Variants in ACSM2B observed in about 807,000 individuals in gnomAD.
ACSM2B encodes acyl-coenzyme A synthetase ACSM2B, mitochondrial.
A neutral mutation model predicts 78.6 loss-of-function variants in ACSM2B; 58 were observed. The ratio of observed to expected loss-of-function variants is 0.74; its 90% CI spans 0.60 to 0.92. The LOEUF is 0.92. Ranked by LOEUF, ACSM2B falls within the 40% of genes least tolerant of loss-of-function variation. ACSM2B has a pLI of 0.00. For synonymous variants in ACSM2B, 257 were observed against 256.8 expected (o/e 1.00, Z -0.01); for missense variants, 688 against 711.2 (o/e 0.97, Z 0.37).
rs765903778 is a variant in ACSM2B at position 20,545,184 on chromosome 16, C to T, written c.1254G>A (p.Arg418=). 2.5e-6 allele frequency: 4 copies of T among 1,613,778 alleles called. No homozygotes were observed. The highest frequency in any genetic ancestry group is 2.2e-5 in the South Asian group (2 of 91,010). Residue 418 remains arginine, a synonymous_variant, in exon 10 of 14, where the codon AGG becomes AGA. Coordinates refer to ENST00000329697, the MANE Select transcript of ACSM2B (RefSeq NM_001105069.2). The part of the protein sequence containing the change: ...GDIGIRVKPI[R]PIGIFSGYVE... Reference sequence around the variant, plus strand: ...CATAGCCAGAGAAGATGCCTATAGGCCTGATGGGTTTGACCCTGATGCCAA... The same window carrying T: ...CATAGCCAGAGAAGATGCCTATAGGTCTGATGGGTTTGACCCTGATGCCAA...
Position 20,564,721 on chromosome 16 carries a change from G to T in ACSM2B, c.125C>A (p.Ala42Asp). 6.2e-7 allele frequency: 1 copy of T among 1,613,458 alleles called. No homozygotes were observed. Among genetic ancestry groups the T allele is most frequent in the South Asian group, 1.1e-5 (1 of 91,028 alleles). ...SLQWGHQEVP[A>D]KFNFASDVLD... ...CACATCACTAGCAAAGTTAAACTTG[G>T]CCGGCACTTCCTGGTGGCCCCACTG... The change falls in exon 2 of 14, where the codon GCC becomes GAC. Residue 42 changes from alanine to aspartate, a missense_variant. By Grantham distance (126) the Ala-to-Asp change is moderately radical. Coordinates refer to ENST00000329697, the MANE Select transcript of ACSM2B (RefSeq NM_001105069.2).
At chr16:20,566,589 T>C (rs1402144968) in intron 1 of ACSM2B, among the ~76,000 whole-genome samples, 3 of 94,282 alleles carry the variant, frequency 3.2e-5, no homozygotes, top group Non-Finnish European at 5.7e-5. Flanking sequence ...TATCTATAAA[T>C]ATATAATATG....
chr16:20,540,915 A>T lies in ACSM2B; in HGVS notation c.1510-142T>A, dbSNP rs1238572532. The stretch of plus-strand genomic sequence containing the variant: ...CGGTGATCCAGGTCAAGGGAAAGGG[A>T]GAAACTGGGGACAAGAATGAGGTTC... On this transcript the variant is annotated intron_variant, in intron 12 of 13. Transcript: ENST00000329697. 2.3e-6 allele frequency: 3 copies of T among 1,298,704 alleles called. No homozygotes were observed. In the Admixed American group the frequency reaches 6.9e-5, roughly 30 times the overall value. 80.4% of individuals were successfully genotyped at this position (1,298,704 alleles called of 1,614,324 possible). A position where few individuals can be genotyped will look rare whatever the true frequency, so the allele number is the denominator to read the frequency against.
rs9927854 is a variant in ACSM2B, at chr16:20,559,453, G to T, written c.178-6C>A. The T allele has an allele frequency of 8.3e-3, 13,315 of 1,612,500 alleles. 1,001 individuals are homozygous for T. In the African/African-American group the frequency reaches 0.15, roughly 19 times the overall value. ...CTTGGGAGTCGCTTGCCAGCCTGAG[G>T]AAAGAGAAACCCTGTTGATTAGGGG... On this transcript the variant is annotated splice_polypyrimidine_tract_variant and splice_region_variant and intron_variant, in intron 2 of 13. Coordinates refer to ENST00000329697, the MANE Select transcript of ACSM2B (RefSeq NM_001105069.2).
At chr16:20,554,321 G>A (rs1020979488) in intron 4 of ACSM2B, 3 of 365,658 alleles carry the variant, frequency 8.2e-6, no homozygotes, top group Non-Finnish European at 1.6e-5. Context: ...CAAGTGGACA[G>A]GAGGGGTGGA....
chr16:20,575,703 T>G (rs1201037228), intron 1 of ACSM2B: 1 of 146,778 alleles, frequency 6.8e-6, no homozygotes, highest in Non-Finnish European at 1.5e-5. Context: ...GACAACACCC[T>G]CACAGACACA....
At chr16:20,566,247 T>TTTTTTA (rs1491507567) in intron 1 of ACSM2B, among the ~76,000 whole-genome samples, 1 of 69,982 alleles carries the variant, frequency 1.4e-5, no homozygotes, top group Non-Finnish European at 2.7e-5. Flanking sequence ...TCATGGAAGA[T>TTTTTTA]TATATATATA....
intron 13 of ACSM2B, among the ~76,000 whole-genome samples, chr16:20,538,569 G>A (rs2014904870): frequency 6.6e-6 from 1 of 152,146 alleles, no homozygotes; most frequent in African/African-American, 2.4e-5. Flanking sequence ...ACTGGATGTA[G>A]TTGGTGAAAG....
chr16:20,545,879 G>A (rs536413002), intron 9 of ACSM2B, among the ~76,000 whole-genome samples: 2 of 152,048 alleles, frequency 1.3e-5, no homozygotes, highest in African/African-American at 4.8e-5. Flanking sequence ...ACAAGAGAAA[G>A]CAATAAAACT....
chr16:20,567,508 T>TATAAAATATAG (rs1309411185), intron 1 of ACSM2B, among the ~76,000 whole-genome samples: 2 of 126,414 alleles, frequency 1.6e-5, no homozygotes, highest in East Asian at 4.3e-4. Context: ...ATAAAATATA[T>TATAAAATATAG]AAATAATATA....
intron 1 of ACSM2B, among the ~76,000 whole-genome samples, chr16:20,575,240 G>T (rs1452278203): frequency 2.0e-5 from 3 of 151,280 alleles, no homozygotes; most frequent in Admixed American, 1.3e-4. Context: ...ATTAGTCAGG[G>T]TTCTCTAGAG....
chr16:20,574,237 A>C (rs1239273110), intron 1 of ACSM2B: 2 of 151,960 alleles, frequency 1.3e-5, no homozygotes, highest in Non-Finnish European at 2.9e-5. Context: ...ATTCTGCCCG[A>C]CCCCGCAGGC....
chr16:20,542,626 T>A (rs2015026143), intron 12 of ACSM2B: 1 of 396,640 alleles, frequency 2.5e-6, no homozygotes, highest in Admixed American at 4.0e-5. Flanking sequence ...AGTAGTGGGA[T>A]TGCTGGATCA....
chr16:20,566,741 C>A (rs796911737), intron 1 of ACSM2B, among the ~76,000 whole-genome samples: 1 of 44,806 alleles, frequency 2.2e-5, no homozygotes, highest in Non-Finnish European at 3.5e-5. Flanking sequence ...ATAGTATATA[C>A]TATATATACT....
chr16:20,569,881 A>C (rs2016047641), intron 1 of ACSM2B, among the ~76,000 whole-genome samples: 1 of 152,042 alleles, frequency 6.6e-6, no homozygotes, highest in South Asian at 2.1e-4. Context: ...AAAGTATAGC[A>C]GAGCTACTGG....
intron 6 of ACSM2B, among the ~76,000 whole-genome samples, chr16:20,550,645 G>A (rs1332054525): frequency 3.3e-5 from 5 of 152,230 alleles, no homozygotes; most frequent in Admixed American, 6.5e-5. Flanking sequence ...TTTTGAAGAC[G>A]TCATCTATGC....
intron 8 of ACSM2B, 80 bp downstream of exon 8, chr16:20,547,982 G>T: frequency 6.3e-7 from 1 of 1,596,306 alleles, no homozygotes; most frequent in Non-Finnish European, 8.5e-7. Context: ...GATACATGGT[G>T]GCTAACATGT....
At chr16:20,547,775 C>A in intron 8 of ACSM2B, 1 of 1,049,918 alleles carries the variant, frequency 9.5e-7, no homozygotes, top group South Asian at 2.1e-5. Flanking sequence ...ATCTCATCTA[C>A]TTTACTTTTT....
intron 5 of ACSM2B, among the ~76,000 whole-genome samples, chr16:20,553,132 T>C (rs1487561069): frequency 6.6e-6 from 1 of 152,232 alleles, no homozygotes; most frequent in Non-Finnish European, 1.5e-5. Flanking sequence ...GGCTCATAGA[T>C]GGAACATTTA....
Sources: gnomAD v4.1 joint callset for allele counts (sites outside exome capture counted in the v4.1 genomes callset) on GRCh38, gnomAD v4.1.1 for gene constraint, MANE v1.5 for transcripts, NCBI Gene and HGNC (gene_info 2026-07-23, HGNC 2026-07-21) for gene names.